The following TTLL9 variants were observed in gnomAD, a reference collection of about 807,000 sequenced individuals.
The protein encoded by TTLL9 is probable tubulin polyglutamylase TTLL9.
In TTLL9, 47 loss-of-function variants were observed where a neutral mutation model predicts 65.6. The observed-to-expected ratio is 0.72, with a 90% confidence interval of 0.57 to 0.91. The LOEUF (loss-of-function observed/expected upper bound fraction) is 0.91, where lower values mean the gene tolerates loss of function less well. Among genes scored for constraint, TTLL9 ranks in the 40% least tolerant of loss-of-function variants. The probability of loss-of-function intolerance (pLI) is 0.00; values close to 1 mark genes in which losing one functional copy is unlikely to be tolerated. For synonymous variants in TTLL9, 179 were observed against 204.8 expected, an observed-to-expected ratio of 0.87 and a Z score of 1.07; for missense variants, 537 against 568.8, an observed-to-expected ratio of 0.94 and a Z score of 0.57.
intron 2 of TTLL9, among the ~76,000 whole-genome samples, chr20:31,873,821 GAAGA>G (rs200264258): frequency 0.13 from 12,592 of 94,382 alleles, 803 homozygotes; most frequent in South Asian, 0.15. Context: ...AGGAAGGAAG[GAAGA>G]AAGAAAGAAA....
At chr20:31,922,841 C>G in intron 7 of TTLL9, 122 bp from the exon 8 acceptor site, 1 of 724,190 alleles carries the variant, frequency 1.4e-6, no homozygotes, top group Non-Finnish European at 2.3e-6. Context: ...AACATTAGTA[C>G]TTACCTGACA....
At position 31,933,702 on chromosome 20, in the gene TTLL9, A is replaced by C. The variant is rs370021113; in HGVS notation, c.749-98A>C. 7.0e-5 allele frequency: 81 copies of C among 1,149,130 alleles called. 2 individuals carry two copies. In the Middle Eastern group the frequency reaches 4.7e-3, roughly 66 times the overall value. 71.2% of individuals were successfully genotyped at this position (1,149,130 alleles called of 1,614,324 possible). A position where few individuals can be genotyped will look rare whatever the true frequency, so the allele number is the denominator to read the frequency against. ...ACACACGACCGTGGAGCTATTTCGT[A>C]GCCTTCCCCATCAATTCTCAGTTCA... On this transcript the variant is annotated intron_variant, in intron 10 of 14. Coordinates refer to ENST00000535842, the MANE Select transcript of TTLL9 (RefSeq NM_001008409.5).
chr20:31,926,142 G>A (rs994322817), intron 10 of TTLL9, 51 bp downstream of exon 10: 3 of 1,342,146 alleles, frequency 2.2e-6, no homozygotes, highest in Non-Finnish European at 2.1e-6. Context: ...GTTTTGTGGG[G>A]GTGATTCCAT....
chr20:31,898,646 C>T, intron 4 of TTLL9, 81 bp downstream of exon 4: 1 of 1,292,798 alleles, frequency 7.7e-7, no homozygotes, highest in Non-Finnish European at 1.1e-6. Context: ...TCCCAGTTCC[C>T]CTGGGTGGCC....
intron 2 of TTLL9, among the ~76,000 whole-genome samples, chr20:31,880,259 C>T (rs1389986200): frequency 2.0e-5 from 3 of 152,064 alleles, no homozygotes; most frequent in East Asian, 3.9e-4. Context: ...ACCCGCCTGC[C>T]CGTCCATCCG....
At chr20:31,878,850 A>C (rs942187577) in intron 2 of TTLL9, among the ~76,000 whole-genome samples, 2 of 152,146 alleles carry the variant, frequency 1.3e-5, no homozygotes, top group African/African-American at 4.8e-5. Flanking sequence ...TTATCTATAG[A>C]TCTAATAAGA....
intron 2 of TTLL9, among the ~76,000 whole-genome samples, chr20:31,872,042 G>A (rs530762362): frequency 2.6e-5 from 4 of 152,156 alleles, no homozygotes; most frequent in African/African-American, 9.6e-5. Flanking sequence ...ATTCAGACAA[G>A]TCACATTCCA....
intron 2 of TTLL9, among the ~76,000 whole-genome samples, chr20:31,875,225 A>G (rs1469989557): frequency 1.3e-5 from 2 of 152,194 alleles, no homozygotes; most frequent in African/African-American, 4.8e-5. Flanking sequence ...TCTATGAAAT[A>G]GGGAGGAAAA....
chr20:31,932,370 G>C (rs959187186), intron 10 of TTLL9, among the ~76,000 whole-genome samples: 7 of 150,546 alleles, frequency 4.6e-5, no homozygotes, highest in African/African-American at 1.7e-4. Context: ...TACTTGGGAG[G>C]CTTAGGCAGG....
chr20:31,944,425 G>GTA lies in TTLL9; in HGVS notation c.*1407_*1408dup, dbSNP rs1304684952. On this transcript the variant is annotated 3_prime_UTR_variant, in exon 15 of 15. Transcript: ENST00000535842. ...TTTAAAATCCAAAGTTTACAAAAGGGTATAGGGTGACATCTCCTTCCCTCC... is the reference window on the plus strand; with the variant it reads ...TTTAAAATCCAAAGTTTACAAAAGGGTATATAGGGTGACATCTCCTTCCCTCC... 1 of 153,442 alleles carries GTA rather than the reference G, an allele frequency of 6.5e-6. No individual in the cohort carries two copies. The highest frequency in any genetic ancestry group is 1.5e-5 in the Non-Finnish European group (1 of 68,854). 9.5% of individuals were successfully genotyped at this position (153,442 alleles called of 1,614,324 possible).
intron 6 of TTLL9, among the ~76,000 whole-genome samples, chr20:31,913,700 ACCAGG>A (rs1325443574): frequency 6.6e-6 from 1 of 152,116 alleles, no homozygotes; most frequent in East Asian, 1.9e-4. Context: ...CCCTCTTCCT[ACCAGG>A]CCAGAGCCCC....
rs139924671 is a variant in TTLL9 at position 31,944,909 on chromosome 20, C to T, written c.*1888C>T. 50 of 152,294 alleles carry T rather than the reference C, an allele frequency of 3.3e-4. No individual in the cohort carries two copies. Among genetic ancestry groups the T allele is most frequent in the African/African-American group, 9.6e-4 (40 of 41,556 alleles). 9.4% of individuals were successfully genotyped at this position (152,294 alleles called of 1,614,324 possible). ...ATAGGTTGTATTCTAAATGGAGTGG[C>T]GTGCCCTTACTGAAGGACTAGATGA... is the stretch of plus-strand genomic sequence containing the variant. On this transcript the variant is annotated 3_prime_UTR_variant, in exon 15 of 15. Coordinates refer to ENST00000535842, the MANE Select transcript of TTLL9 (RefSeq NM_001008409.5).
chr20:31,909,953 A>C, intron 6 of TTLL9, 31 bp downstream of exon 6: 59 of 703,142 alleles, frequency 8.4e-5, no homozygotes, highest in Non-Finnish European at 1.4e-4. Context: ...GCTGGGTGGG[A>C]GGGAATGAGT....
At chr20:31,877,990 GT>G (rs1471325794) in intron 2 of TTLL9, among the ~76,000 whole-genome samples, 1 of 152,152 alleles carries the variant, frequency 6.6e-6, no homozygotes, top group African/African-American at 2.4e-5. Flanking sequence ...TGCTTTGTCA[GT>G]TTTCCTTTCT....
At chr20:31,873,684 G>GAGAAAGAAAGAAAGAA (rs143514524) in intron 2 of TTLL9, among the ~76,000 whole-genome samples, 27 of 100,584 alleles carry the variant, frequency 2.7e-4, no homozygotes, top group South Asian at 1.1e-3. Context: ...AAGAGAGAGA[G>GAGAAAGAAAGAAAGAA]AGAAAGAAAG....
rs2063276711 is a variant in TTLL9, at chr20:31,890,100, C to CCCTCCCTT, written c.113+2864_113+2865insCCCTTCCT. On this transcript the variant is annotated intron_variant, in intron 3 of 14. Coordinates refer to ENST00000535842, the MANE Select transcript of TTLL9 (RefSeq NM_001008409.5). ...TCTTGCTTTCTTGCTTTCTTTCCCT[C>CCCTCCCTT]CCTTCCTTCCTTCCTTCCTTCCTTC... Among the ~76,000 whole-genome samples, 171 of 50,038 alleles carry CCCTCCCTT rather than the reference C, an allele frequency of 3.4e-3. 13 individuals are homozygous for CCCTCCCTT. The highest frequency in any genetic ancestry group is 8.0e-3 in the African/African-American group (88 of 10,960). 32.8% of individuals were successfully genotyped at this position (50,038 alleles called of 152,430 possible).
chr20:31,928,622 C>G (rs915783526), intron 10 of TTLL9, among the ~76,000 whole-genome samples: 1 of 151,758 alleles, frequency 6.6e-6, no homozygotes, highest in Non-Finnish European at 1.5e-5. Flanking sequence ...CAGTCATCAC[C>G]CTTGATCCCT....
chr20:31,877,377 C>A (rs987638800), intron 2 of TTLL9, among the ~76,000 whole-genome samples: 1 of 152,210 alleles, frequency 6.6e-6, no homozygotes, highest in Admixed American at 6.5e-5. Context: ...TCGTGATCTG[C>A]CTGCCTTGGC....
At chr20:31,899,359 G>A (rs1255039494) in intron 4 of TTLL9, among the ~76,000 whole-genome samples, 1 of 152,228 alleles carries the variant, frequency 6.6e-6, no homozygotes, top group Non-Finnish European at 1.5e-5. Flanking sequence ...GCCAGGTGCA[G>A]TGGCTCACAC....
Sources: allele counts gnomAD v4.1 joint callset (sites outside exome capture counted in the v4.1 genomes callset), GRCh38; gene constraint gnomAD v4.1.1; transcripts MANE v1.5; gene names NCBI Gene and HGNC (gene_info 2026-07-23, HGNC 2026-07-21).